RMDN2: variants seen among roughly 807,000 people sequenced by gnomAD.
The protein encoded by RMDN2 is regulator of microtubule dynamics protein 2.
Under a neutral mutation model 52.8 loss-of-function variants are expected in RMDN2, and 61 were observed. That is an observed-to-expected ratio of 1.16 (90% confidence interval 0.94 to 1.43). The LOEUF (loss-of-function observed/expected upper bound fraction) is 1.43. Ranked by LOEUF, RMDN2 falls within the 40% of genes most tolerant of loss-of-function variation. RMDN2 has a pLI of 0.00. For synonymous variants in RMDN2, 180 were observed against 153.1 expected (o/e 1.18, Z -1.30); for missense variants, 592 against 475.3 (o/e 1.25, Z -2.28).
intron 10 of RMDN2, among the ~76,000 whole-genome samples, chr2:38,041,337 A>C (rs1254126443): frequency 6.6e-6 from 1 of 151,360 alleles, no homozygotes; most frequent in Non-Finnish European, 1.5e-5. Context: ...TTATAGTTTC[A>C]AATTTTATAT....
chr2:37,943,960 T>G (rs1668009995), intron 2 of RMDN2, among the ~76,000 whole-genome samples: 1 of 151,944 alleles, frequency 6.6e-6, no homozygotes, highest in Non-Finnish European at 1.5e-5. Context: ...TGCCAACAGG[T>G]GAAGTGTATA....
chr2:38,010,002 A>C (rs1677717742), intron 10 of RMDN2, among the ~76,000 whole-genome samples: 1 of 152,198 alleles, frequency 6.6e-6, no homozygotes, highest in Non-Finnish European at 1.5e-5. Context: ...CCTGGGTATC[A>C]GCAGCAGAGG....
chr2:38,019,179 A>T (rs994801313), downstream of RMDN2, among the ~76,000 whole-genome samples: 2 of 152,210 alleles, frequency 1.3e-5, no homozygotes, highest in African/African-American at 4.8e-5. Flanking sequence ...AGGTGAATCC[A>T]GCTAGCACCA....
chr2:37,989,134 T>C (rs1457799417), intron 5 of RMDN2, among the ~76,000 whole-genome samples: 1 of 152,188 alleles, frequency 6.6e-6, no homozygotes, highest in Admixed American at 6.5e-5. Context: ...GTATTTTTAA[T>C]GTTATAAATC....
intron 1 of RMDN2, among the ~76,000 whole-genome samples, chr2:37,926,970 G>C (rs997204716): frequency 6.6e-6 from 1 of 151,828 alleles, no homozygotes; most frequent in Non-Finnish European, 1.5e-5. Flanking sequence ...TACAACCTTT[G>C]AAATTATTCT....
chr2:37,978,517 T>G (rs1382126125), intron 4 of RMDN2, among the ~76,000 whole-genome samples: 3 of 151,892 alleles, frequency 2.0e-5, no homozygotes, highest in Non-Finnish European at 4.4e-5. Context: ...CGAATGGAAA[T>G]AAGCTCTTAT....
intron 10 of RMDN2, among the ~76,000 whole-genome samples, chr2:38,006,643 T>C (rs1677130741): frequency 6.6e-6 from 1 of 152,226 alleles, no homozygotes; most frequent in East Asian, 1.9e-4. Flanking sequence ...AATCATGTCA[T>C]CTGCAAACAG....
At chr2:37,950,264 A>T in intron 2 of RMDN2, 1 of 483,850 alleles carries the variant, frequency 2.1e-6, no homozygotes, top group Non-Finnish European at 3.8e-6. Context: ...CATATATGTT[A>T]TTGTCCTTAT....
intron 10 of RMDN2, among the ~76,000 whole-genome samples, chr2:38,028,669 C>T (rs947953777): frequency 2.0e-5 from 3 of 152,182 alleles, no homozygotes; most frequent in Non-Finnish European, 2.9e-5. Context: ...CAGCTCTGCC[C>T]GCTGCAGCCC....
chr2:38,067,054 G>T (rs546894926), exon 11 of RMDN2: 11 of 1,544,248 alleles, frequency 7.1e-6, no homozygotes, highest in Middle Eastern at 1.7e-4. Flanking sequence ...CACAGTGAAG[G>T]CCTGGAGAGT....
At chr2:38,007,174 G>A (rs1052286386) in intron 10 of RMDN2, among the ~76,000 whole-genome samples, 1 of 151,982 alleles carries the variant, frequency 6.6e-6, no homozygotes, top group African/African-American at 2.4e-5. Flanking sequence ...CTCTTTTTTT[G>A]TTGTATCTCT....
intron 4 of RMDN2, among the ~76,000 whole-genome samples, chr2:37,975,901 T>C (rs1672401181): frequency 6.6e-6 from 1 of 152,184 alleles, no homozygotes; most frequent in South Asian, 2.1e-4. Flanking sequence ...TGAAAAAAAC[T>C]TAAATTTCAT....
intron 2 of RMDN2, among the ~76,000 whole-genome samples, chr2:37,943,306 A>G (rs140494328): frequency 1.9e-3 from 297 of 152,324 alleles, no homozygotes; most frequent in African/African-American, 6.6e-3. Flanking sequence ...GGTCAAAGCA[A>G]TGAGCAGGGA....
intron 2 of RMDN2, among the ~76,000 whole-genome samples, chr2:37,953,548 T>A (rs1669098968): frequency 6.6e-6 from 1 of 152,064 alleles, no homozygotes; most frequent in South Asian, 2.1e-4. Context: ...CTGAATAATA[T>A]TCCACTGTAT....
intron 10 of RMDN2, among the ~76,000 whole-genome samples, chr2:38,004,985 G>C (rs923421534): frequency 6.6e-6 from 1 of 152,038 alleles, no homozygotes; most frequent in African/African-American, 2.4e-5. Context: ...TGCTGAGAAT[G>C]ATGGTTTCCA....
chr2:37,970,722 A>C (rs1335988281), intron 2 of RMDN2, among the ~76,000 whole-genome samples: 17 of 152,202 alleles, frequency 1.1e-4, no homozygotes, highest in Admixed American at 1.1e-3. Context: ...ATTCTGATGT[A>C]ATTCATTTAA....
At chr2:37,941,078 C>T (rs1052501875) in intron 2 of RMDN2, among the ~76,000 whole-genome samples, 5 of 152,060 alleles carry the variant, frequency 3.3e-5, no homozygotes, top group Non-Finnish European at 5.9e-5. Flanking sequence ...GGAGTTTTTG[C>T]GTGGTCTTCC....
intron 5 of RMDN2, among the ~76,000 whole-genome samples, chr2:37,983,423 G>C (rs911947110): frequency 5.0e-4 from 76 of 152,136 alleles, no homozygotes; most frequent in African/African-American, 1.7e-3. Flanking sequence ...TAAATGCCTT[G>C]TCTTGTTTAT....
chr2:38,009,409 C>T (rs1023882948), intron 10 of RMDN2, among the ~76,000 whole-genome samples: 1 of 152,154 alleles, frequency 6.6e-6, no homozygotes, highest in African/African-American at 2.4e-5. Flanking sequence ...TTGTTCGTTT[C>T]TTTTTATTCT....
Sources: allele counts gnomAD v4.1 joint callset (sites outside exome capture counted in the v4.1 genomes callset), GRCh38; gene constraint gnomAD v4.1.1; transcripts MANE v1.5; gene names NCBI Gene and HGNC (gene_info 2026-07-23, HGNC 2026-07-21).